The following PRH1 variants were observed in gnomAD, a reference collection of about 807,000 sequenced individuals.
PRH1 encodes proline rich protein HaeIII subfamily 1.
PRH1 carries 7 observed loss-of-function variants against 7.9 expected under a neutral mutation model. That is an observed-to-expected ratio of 0.89 (90% CI 0.50 to 1.67). The LOEUF is 1.67. PRH1 is among the 40% of genes most tolerant of loss of function. PRH1 has a pLI of 0.00. For missense variants in PRH1, 109 were observed against 223.6 expected, an observed-to-expected ratio of 0.49 and a Z score of 3.27; for synonymous variants, 45 against 80.8, an observed-to-expected ratio of 0.56 and a Z score of 2.38.
chr12:10,908,561 TAGAA>T (rs1565463881), intron 2 of PRH1: 2 of 1,613,968 alleles, frequency 1.2e-6, no homozygotes, highest in East Asian at 2.2e-5. Flanking sequence ...TGAGAACACA[TAGAA>T]AGAAACTAGC....
intron 1 of PRH1, among the ~76,000 whole-genome samples, chr12:11,035,235 C>T (rs1591856323): frequency 6.7e-6 from 1 of 149,858 alleles, no homozygotes; most frequent in Non-Finnish European, 1.5e-5. Flanking sequence ...AAAATCTCCA[C>T]ATTGCTTCTG....
chr12:11,143,562 T>C (rs1023706810), intron 1 of PRH1, among the ~76,000 whole-genome samples: 2 of 152,162 alleles, frequency 1.3e-5, no homozygotes, highest in African/African-American at 2.4e-5. Context: ...TCAAAAGGCA[T>C]AGTCTAGCTA....
intron 2 of PRH1, among the ~76,000 whole-genome samples, chr12:10,941,142 G>T (rs564592248): frequency 6.6e-6 from 1 of 152,214 alleles, no homozygotes; most frequent in South Asian, 2.1e-4. Flanking sequence ...TGGGTGGGGG[G>T]TTGTGTGGTG....
intron 1 of PRH1, among the ~76,000 whole-genome samples, chr12:11,128,177 A>T (rs1030840530): frequency 1.3e-5 from 2 of 151,958 alleles, no homozygotes; most frequent in South Asian, 4.1e-4. Context: ...TTGGGCACTA[A>T]AAAAACATGT....
intron 2 of PRH1, among the ~76,000 whole-genome samples, chr12:10,917,417 G>A (rs1949988102): frequency 6.6e-6 from 1 of 151,934 alleles, no homozygotes; most frequent in Non-Finnish European, 1.5e-5. Flanking sequence ...TTAATTTGTT[G>A]TTAATTACAT....
At chr12:11,071,398 C>A (rs1468001650) in intron 1 of PRH1, among the ~76,000 whole-genome samples, 2 of 152,262 alleles carry the variant, frequency 1.3e-5, no homozygotes. Flanking sequence ...AAAAAAAAGA[C>A]CTTCTTGGAA....
At chr12:11,000,876 ATT>A (rs1394366599) in intron 1 of PRH1, among the ~76,000 whole-genome samples, 2 of 151,980 alleles carry the variant, frequency 1.3e-5, no homozygotes, top group African/African-American at 4.8e-5. Flanking sequence ...TTTTGCTATT[ATT>A]GTTTTAGTAG....
chr12:11,168,280 GAAAGAAAGAAAGAAA>G (rs1565725670), intron 1 of PRH1, among the ~76,000 whole-genome samples: 29 of 31,328 alleles, frequency 9.3e-4, no homozygotes, highest in African/African-American at 1.6e-3. Flanking sequence ...AAGAAAGAAA[GAAAGAAAGAAAGAAA>G]GAAAGAAGGA....
At chr12:10,992,665 A>G (rs1383966572) in intron 1 of PRH1, among the ~76,000 whole-genome samples, 1 of 152,122 alleles carries the variant, frequency 6.6e-6, no homozygotes, top group Non-Finnish European at 1.5e-5. Context: ...CTCCCACCTC[A>G]GCCTCCCAAA....
At chr12:11,092,624 C>T (rs544334836) in intron 1 of PRH1, among the ~76,000 whole-genome samples, 1 of 115,614 alleles carries the variant, frequency 8.6e-6, no homozygotes, top group East Asian at 2.1e-4. Context: ...TTACAATCCT[C>T]TTGCTAGCTA....
chr12:11,058,313 G>C (rs560849125), intron 1 of PRH1, among the ~76,000 whole-genome samples: 1 of 152,124 alleles, frequency 6.6e-6, no homozygotes, highest in Admixed American at 6.5e-5. Flanking sequence ...CTATAACATT[G>C]AATGGAAGTA....
In PRH1 at chr12:10,930,258, T is replaced by A. The variant is rs375517137; in HGVS notation, c.-59+43397A>T. 1.9e-6 allele frequency: 3 copies of A among 1,612,602 alleles called. No homozygotes were observed. In the African/African-American group the frequency reaches 4.0e-5, roughly 22 times the overall value. ...AGTAACTTTTCCCATCATCCTGTAC[T>A]TCTTTTCTAGATGTCAGCCAAGAAG... On this transcript the variant is annotated intron_variant, in intron 2 of 3. Transcript: ENST00000539853.
At chr12:10,990,281 C>A (rs1447778720) in intron 1 of PRH1, among the ~76,000 whole-genome samples, 2 of 152,116 alleles carry the variant, frequency 1.3e-5, no homozygotes, top group Non-Finnish European at 2.9e-5. Context: ...AAAAATGAAA[C>A]TAGATGCCTA....
At chr12:10,962,968 C>T (rs2135936136) in intron 2 of PRH1, among the ~76,000 whole-genome samples, 1 of 152,308 alleles carries the variant, frequency 6.6e-6, no homozygotes, top group Middle Eastern at 3.4e-3. Context: ...GACCGGGTTT[C>T]ACAGCGTTAG....
At chr12:11,030,521 G>T in intron 1 of PRH1, 1 of 1,614,110 alleles carries the variant, frequency 6.2e-7, no homozygotes, top group East Asian at 2.2e-5. Context: ...GTGGATTGAA[G>T]GATAGCTGAA....
chr12:11,021,113 A>T (rs1941601305), intron 1 of PRH1, among the ~76,000 whole-genome samples: 1 of 152,208 alleles, frequency 6.6e-6, no homozygotes, highest in Non-Finnish European at 1.5e-5. Context: ...TTTCACTCCA[A>T]TTTTATTGTG....
At chr12:10,920,429 T>C (rs1038108372) in intron 2 of PRH1, among the ~76,000 whole-genome samples, 10 of 152,162 alleles carry the variant, frequency 6.6e-5, no homozygotes, top group Admixed American at 3.9e-4. Flanking sequence ...AATCCTTCAC[T>C]AAAGTATTAT....
At chr12:11,030,414 A>T (rs1942134007) in intron 1 of PRH1, 2 of 1,613,756 alleles carry the variant, frequency 1.2e-6, no homozygotes, top group East Asian at 4.5e-5. Context: ...ATCTATGGAG[A>T]TGAAGGCTTC....
chr12:11,040,335 C>T (rs1942655530), intron 1 of PRH1, among the ~76,000 whole-genome samples: 1 of 152,212 alleles, frequency 6.6e-6, no homozygotes, highest in Non-Finnish European at 1.5e-5. Context: ...CTTCACATAG[C>T]TATGCTCTGA....
Sources: allele counts gnomAD v4.1 joint callset (sites outside exome capture counted in the v4.1 genomes callset), GRCh38; gene constraint gnomAD v4.1.1; transcripts MANE v1.5; gene names NCBI Gene and HGNC (gene_info 2026-07-23, HGNC 2026-07-21).